QSER1: variants seen among roughly 807,000 people sequenced by gnomAD.
QSER1 encodes the protein glutamine and serine rich 1, also known as glutamine and serine-rich protein 1.
Under a neutral mutation model 158.5 loss-of-function variants are expected in QSER1, and 49 were observed. The observed-to-expected ratio is 0.31, with a 90% confidence interval of 0.25 to 0.39. The LOEUF is 0.39. QSER1 is among the 10% of genes least tolerant of loss of function. The pLI is 1.00. For missense variants in QSER1, 1,754 were observed against 2,010.3 expected (o/e 0.87, Z 2.44); for synonymous variants, 650 against 715.5 (o/e 0.91, Z 1.46).
intron 4 of QSER1, among the ~76,000 whole-genome samples, chr11:32,944,597 G>A (rs1376001790): frequency 6.6e-6 from 1 of 150,956 alleles, no homozygotes; most frequent in South Asian, 2.1e-4. Context: ...TGTGGTCTGA[G>A]AGATAGTTTG....
At position 32,976,319 on chromosome 11, in the gene QSER1, A is replaced by G; in HGVS notation, c.5455-15A>G. On this transcript the variant is annotated splice_polypyrimidine_tract_variant and intron_variant, in intron 12 of 12. Coordinates refer to ENST00000650167, the MANE Select transcript of QSER1 (RefSeq NM_001076786.3). ...GTGATAAGTATAAGCTAATTTGGCG[A>G]TTTTCTTTTTTTAGATTTCTTCGGT... The G allele has an allele frequency of 6.3e-7, 1 of 1,575,378 alleles. No individual in the cohort carries two copies. The highest frequency in any genetic ancestry group is 8.6e-7 in the Non-Finnish European group (1 of 1,167,870).
chr11:32,931,298 A>T (rs1028833562), intron 3 of QSER1, among the ~76,000 whole-genome samples: 4 of 152,276 alleles, frequency 2.6e-5, no homozygotes, highest in Admixed American at 2.0e-4. Context: ...AAACTAGCTA[A>T]TCCAGGCGTG....
intron 1 of QSER1, among the ~76,000 whole-genome samples, chr11:32,897,451 G>A (rs1327390748): frequency 1.3e-5 from 2 of 152,146 alleles, no homozygotes; most frequent in Admixed American, 6.5e-5. Flanking sequence ...CTTTGTCACC[G>A]TTGACCATTA....
At chr11:32,958,865 CCT>C (rs1449318390) in intron 8 of QSER1, among the ~76,000 whole-genome samples, 2 of 151,984 alleles carry the variant, frequency 1.3e-5, no homozygotes, top group East Asian at 1.9e-4. Context: ...GGTAGGATAT[CCT>C]CTCTTAGTTT....
chr11:32,899,112 T>G (rs931339478), intron 1 of QSER1, among the ~76,000 whole-genome samples: 1 of 152,256 alleles, frequency 6.6e-6, no homozygotes, highest in African/African-American at 2.4e-5. Flanking sequence ...GTATTGTTTA[T>G]GTAATACGTA....
At chr11:32,896,308 A>G (rs2133483130) in intron 1 of QSER1, among the ~76,000 whole-genome samples, 1 of 152,342 alleles carries the variant, frequency 6.6e-6, no homozygotes, top group Non-Finnish European at 1.5e-5. Flanking sequence ...TGCACCAGAA[A>G]GTAAGGGAAT....
At chr11:32,895,917 T>C (rs889507275) in intron 1 of QSER1, among the ~76,000 whole-genome samples, 1 of 152,184 alleles carries the variant, frequency 6.6e-6, no homozygotes, top group African/African-American at 2.4e-5. Flanking sequence ...AGTGGAAAAA[T>C]AGAGTGGGAA....
Position 32,932,665 on chromosome 11 carries a change from G to T in QSER1, c.1407G>T (p.Gln469His). Residue 469 changes from glutamine (Q) to histidine (H), a missense_variant, in exon 4 of 13, where the codon CAG becomes CAT. Around this residue, in one of 2 missense-constraint regions of QSER1, gnomAD observed 1,707 missense variants for 1,919.6 expected, o/e 0.89. Transcript: ENST00000650167. ...AQLPSLLSVS[Q>H]SQNYGLVQPH... ...TACCAAGCCTTTTATCAGTTAGTCA[G>T]TCCCAAAATTACGGTTTAGTACAGC... 1 of 1,614,112 alleles carries T rather than the reference G, an allele frequency of 6.2e-7. No individual in the cohort carries two copies. Among genetic ancestry groups the T allele is most frequent in the Non-Finnish European group, 8.5e-7 (1 of 1,180,012 alleles).
intron 1 of QSER1, chr11:32,926,610 A>G (rs1207968763): frequency 1.3e-5 from 2 of 151,736 alleles, no homozygotes; most frequent in African/African-American, 2.4e-5. Flanking sequence ...GAAGAGGGGG[A>G]AAAATCTTGT....
chr11:32,932,812 T>G lies in QSER1; in HGVS notation c.1554T>G (p.Asn518Lys). The change falls in exon 4 of 13, where the codon AAT becomes AAG. Residue 518 changes from asparagine (N) to lysine (K), a missense_variant. By Grantham distance (94) the Asn-to-Lys change is moderately conservative (BLOSUM62 0). Coordinates refer to ENST00000650167, the MANE Select transcript of QSER1 (RefSeq NM_001076786.3). ...CATCTCAGACTGTAACTCCTGAAAA[T>G]CAGACGCTTAATTATTCATCTAATC... Reference protein sequence around the residue: ...SGSSQTVTPENQTLNYSSNQQ... With the variant: ...SGSSQTVTPEKQTLNYSSNQQ... 1 of 1,613,964 alleles carries G rather than the reference T, an allele frequency of 6.2e-7. No homozygotes were observed. Among genetic ancestry groups the G allele is most frequent in the Non-Finnish European group, 8.5e-7 (1 of 1,179,930 alleles).
chr11:32,942,714 G>A (rs1374361963), intron 4 of QSER1, among the ~76,000 whole-genome samples: 13 of 152,126 alleles, frequency 8.5e-5, no homozygotes, highest in African/African-American at 1.9e-4. Context: ...TTGGCAATGC[G>A]GGCTCTTTTT....
intron 1 of QSER1, among the ~76,000 whole-genome samples, chr11:32,905,393 C>T (rs1851679956): frequency 6.6e-6 from 1 of 152,230 alleles, no homozygotes; most frequent in Non-Finnish European, 1.5e-5. Flanking sequence ...TCTGGTAAAG[C>T]AGCTGGTACT....
intron 1 of QSER1, among the ~76,000 whole-genome samples, chr11:32,911,540 C>T (rs531731648): frequency 4.6e-5 from 7 of 152,296 alleles, no homozygotes; most frequent in Admixed American, 4.6e-4. Flanking sequence ...AAATTGTAAT[C>T]CCCACATGTC....
At chr11:32,974,841 T>C (rs1451816755) in intron 11 of QSER1, among the ~76,000 whole-genome samples, 1 of 152,186 alleles carries the variant, frequency 6.6e-6, no homozygotes, top group Non-Finnish European at 1.5e-5. Flanking sequence ...ATGTATAGTG[T>C]GATTCCCTTC....
At chr11:32,899,240 C>T (rs1851595627) in intron 1 of QSER1, among the ~76,000 whole-genome samples, 1 of 152,150 alleles carries the variant, frequency 6.6e-6, no homozygotes. Context: ...ATACTTATAT[C>T]ATGAAAGCCA....
intron 1 of QSER1, among the ~76,000 whole-genome samples, chr11:32,897,609 C>T (rs962764902): frequency 3.3e-5 from 5 of 152,138 alleles, no homozygotes; most frequent in Non-Finnish European, 7.4e-5. Flanking sequence ...TTCCTCAGGG[C>T]TTGGGATTGA....
At chr11:32,950,694 A>G (rs1188795982) in intron 4 of QSER1, among the ~76,000 whole-genome samples, 2 of 152,210 alleles carry the variant, frequency 1.3e-5, no homozygotes, top group Non-Finnish European at 2.9e-5. Flanking sequence ...ACCCACACCC[A>G]GCTATAGGCA....
intron 1 of QSER1, among the ~76,000 whole-genome samples, chr11:32,901,798 G>A (rs1167326773): frequency 6.6e-6 from 1 of 152,170 alleles, no homozygotes; most frequent in African/African-American, 2.4e-5. Context: ...AAAGGATAGG[G>A]AATGGCCAGG....
intron 3 of QSER1, among the ~76,000 whole-genome samples, chr11:32,931,205 A>G (rs971394884): frequency 1.3e-5 from 2 of 152,024 alleles, no homozygotes; most frequent in Admixed American, 1.3e-4. Flanking sequence ...TTTTCCTATG[A>G]CCTTATCAAA....
Sources: allele counts gnomAD v4.1 joint callset (sites outside exome capture counted in the v4.1 genomes callset), GRCh38; gene constraint gnomAD v4.1.1; regional missense constraint gnomAD v4.1.1; transcripts MANE v1.5; gene names NCBI Gene and HGNC (gene_info 2026-07-23, HGNC 2026-07-21).